Variants in CEP112 observed in about 807,000 individuals in gnomAD.
CEP112 encodes the protein centrosomal protein 112.
In CEP112, 127 loss-of-function variants were observed where a neutral mutation model predicts 153.0. That is an observed-to-expected ratio of 0.83 (90% CI 0.72 to 0.96). The LOEUF is 0.96. Ranked by LOEUF, CEP112 falls within the 40% of genes least tolerant of loss-of-function variation. CEP112 has a pLI of 0.00. For synonymous variants in CEP112, 358 were observed against 374.4 expected (o/e 0.96, Z 0.51); for missense variants, 1,089 against 1,101.2 (o/e 0.99, Z 0.16).
In CEP112 at chr17:65,710,117, T is replaced by C. The variant is rs189022689; in HGVS notation, c.2608-20899A>G. On this transcript the variant is annotated intron_variant, in intron 23 of 26. Transcript: ENST00000535342. ...CACATTCAGGTGTGAGAAGCACTTA[T>C]ACAGTGCACCCTTCATGAGGGTCCT... Among the ~76,000 whole-genome samples the C allele has an allele frequency of 2.2e-3, 329 of 152,310 alleles. 1 individual carries two copies. Among genetic ancestry groups the C allele is most frequent in the African/African-American group, 7.5e-3 (312 of 41,566 alleles).
chr17:65,773,163 G>A (rs889235395), intron 21 of CEP112, among the ~76,000 whole-genome samples: 1 of 152,218 alleles, frequency 6.6e-6, no homozygotes, highest in African/African-American at 2.4e-5. Context: ...CAGGAGTGAC[G>A]TGCAAAGGTA....
At chr17:65,682,410 T>C (rs1167533312) in intron 24 of CEP112, among the ~76,000 whole-genome samples, 1 of 152,196 alleles carries the variant, frequency 6.6e-6, no homozygotes, top group African/African-American at 2.4e-5. Flanking sequence ...TTTTAGGCCA[T>C]AACCTCTGAA....
intron 4 of CEP112, among the ~76,000 whole-genome samples, chr17:66,166,263 G>A (rs897406747): frequency 2.0e-5 from 3 of 152,192 alleles, no homozygotes; most frequent in East Asian, 3.9e-4. Flanking sequence ...CAGAAGCAAC[G>A]TGTTTCTTCC....
At chr17:66,146,524 C>T (rs1477346526) in intron 4 of CEP112, among the ~76,000 whole-genome samples, 5 of 151,950 alleles carry the variant, frequency 3.3e-5, no homozygotes, top group African/African-American at 1.2e-4. Flanking sequence ...ATACATATAA[C>T]ACAAAATTTA....
intron 6 of CEP112, among the ~76,000 whole-genome samples, chr17:66,114,028 C>T (rs1326967629): frequency 6.6e-6 from 1 of 152,020 alleles, no homozygotes; most frequent in Non-Finnish European, 1.5e-5. Flanking sequence ...AAGAATACCA[C>T]AATAAATGTC....
intron 21 of CEP112, among the ~76,000 whole-genome samples, chr17:65,791,534 A>G (rs1231932777): frequency 2.0e-5 from 3 of 152,210 alleles, no homozygotes; most frequent in Non-Finnish European, 4.4e-5. Context: ...TCTGCTAACC[A>G]CTTCTGCCAT....
chr17:65,660,385 TCCTC>T (rs375979239), intron 24 of CEP112, among the ~76,000 whole-genome samples: 1,596 of 123,396 alleles, frequency 0.013, 81 homozygotes, highest in African/African-American at 0.049. Flanking sequence ...CTTCCTTCCT[TCCTC>T]CCTCCCTCCC....
chr17:65,986,930 A>C (rs1255675443), intron 17 of CEP112, among the ~76,000 whole-genome samples: 2 of 152,160 alleles, frequency 1.3e-5, no homozygotes, highest in African/African-American at 4.8e-5. Context: ...AAAAGTGTAC[A>C]AACAGTGAGA....
At chr17:65,947,745 C>T (rs114762085) in intron 18 of CEP112, among the ~76,000 whole-genome samples, 88 of 152,080 alleles carry the variant, frequency 5.8e-4, no homozygotes, top group African/African-American at 1.7e-3. Context: ...TCTATTTAAA[C>T]GTTTAAAGGT....
intron 21 of CEP112, among the ~76,000 whole-genome samples, chr17:65,822,829 A>T (rs1476052903): frequency 6.6e-6 from 1 of 152,170 alleles, no homozygotes; most frequent in Non-Finnish European, 1.5e-5. Flanking sequence ...AGCTAATTAT[A>T]TATGTAGAAA....
intron 12 of CEP112, among the ~76,000 whole-genome samples, chr17:66,042,152 C>G (rs889096314): frequency 2.0e-5 from 3 of 152,090 alleles, no homozygotes; most frequent in Admixed American, 2.0e-4. Context: ...AGTTCGAGAC[C>G]AGCCTGGCCA....
At chr17:66,178,939 T>C (rs1174478135) in intron 2 of CEP112, among the ~76,000 whole-genome samples, 2 of 152,186 alleles carry the variant, frequency 1.3e-5, no homozygotes, top group African/African-American at 4.8e-5. Flanking sequence ...CACCATTTAT[T>C]GAAGAGACTG....
intron 17 of CEP112, among the ~76,000 whole-genome samples, chr17:65,997,814 A>G (rs1302598635): frequency 6.6e-6 from 1 of 150,796 alleles, no homozygotes; most frequent in African/African-American, 2.5e-5. Flanking sequence ...CACACACACA[A>G]TCTTTTTTCT....
intron 21 of CEP112, among the ~76,000 whole-genome samples, chr17:65,819,567 A>G (rs1463752007): frequency 1.3e-5 from 2 of 152,040 alleles, no homozygotes; most frequent in Non-Finnish European, 2.9e-5. Context: ...TTTACAGCAC[A>G]GAAACCTGGC....
intron 21 of CEP112, among the ~76,000 whole-genome samples, chr17:65,850,460 A>C (rs751418032): frequency 4.6e-5 from 7 of 152,154 alleles, no homozygotes; most frequent in Non-Finnish European, 1.0e-4. Flanking sequence ...TACCTTCAGA[A>C]CATATCCCAA....
intron 4 of CEP112, among the ~76,000 whole-genome samples, chr17:66,160,553 T>A (rs565539275): frequency 1.8e-4 from 27 of 152,250 alleles, no homozygotes; most frequent in Admixed American, 1.0e-3. Flanking sequence ...TCTACAACCA[T>A]CTGATCTTTG....
In CEP112 at chr17:65,970,471, TGTATATTACATGCATGCACACTACATGC is replaced by T. The variant is rs1370389878; in HGVS notation, c.1737-8901_1737-8874del. Among the ~76,000 whole-genome samples the T allele has an allele frequency of 5.0e-5, 3 of 59,774 alleles. No homozygotes were observed. The Admixed American group carries it at 8.9e-4, about 18-fold the overall frequency. 39.2% of individuals were successfully genotyped at this position (59,774 alleles called of 152,430 possible). A position where few individuals can be genotyped will look rare whatever the true frequency, so the allele number is the denominator to read the frequency against. Reference sequence around the variant, plus strand: ...TATATTACATGCATGCACACATGCATGTATATTACATGCATGCACACTACATGCATATTATATGCATGCATATTAAATA... The same window carrying T: ...TATATTACATGCATGCACACATGCATATATTATATGCATGCATATTAAATA... On this transcript the variant is annotated intron_variant, in intron 17 of 26. Coordinates refer to ENST00000535342, the MANE Select transcript of CEP112 (RefSeq NM_001199165.4).
At chr17:65,971,403 T>C (rs1475233060) in intron 17 of CEP112, among the ~76,000 whole-genome samples, 2 of 54,918 alleles carry the variant, frequency 3.6e-5, no homozygotes, top group Non-Finnish European at 7.7e-5. Context: ...AGCATGTATA[T>C]TGCACCCATG....
intron 7 of CEP112, 114 bp downstream of exon 7, chr17:66,096,470 CA>C: frequency 1.7e-6 from 2 of 1,155,782 alleles, no homozygotes; most frequent in Non-Finnish European, 2.5e-6. Context: ...TGATAAAATT[CA>C]AAAACTATTA....
Sources: allele counts gnomAD v4.1 joint callset (sites outside exome capture counted in the v4.1 genomes callset), GRCh38; gene constraint gnomAD v4.1.1; transcripts MANE v1.5; gene names NCBI Gene and HGNC (gene_info 2026-07-23, HGNC 2026-07-21).